Variants in KIF20B observed in about 807,000 individuals in gnomAD.
The protein encoded by KIF20B is kinesin family member 20B, also known as kinesin-like protein KIF20B.
Under a neutral mutation model 232.5 loss-of-function variants are expected in KIF20B, and 188 were observed. That is an observed-to-expected ratio of 0.81 (90% confidence interval 0.72 to 0.91). KIF20B has a LOEUF of 0.91. Ranked by LOEUF, KIF20B falls within the 40% of genes least tolerant of loss-of-function variation. The probability of loss-of-function intolerance (pLI) is 0.00; values close to 1 mark genes in which losing one functional copy is unlikely to be tolerated. For synonymous variants in KIF20B, 712 were observed against 683.0 expected, an observed-to-expected ratio of 1.04 and a Z score of -0.66; for missense variants, 2,154 against 2,055.9, an observed-to-expected ratio of 1.05 and a Z score of -0.92.
intron 11 of KIF20B, among the ~76,000 whole-genome samples, chr10:89,718,425 C>T (rs1054986131): frequency 2.0e-5 from 3 of 152,062 alleles, no homozygotes; most frequent in Admixed American, 1.3e-4. Context: ...GCGAGAGGAT[C>T]GCTTGAGCCT....
rs752673249 is a variant in KIF20B, at chr10:89,768,752, A to G, written c.5106A>G (p.Pro1702=). The G allele has an allele frequency of 1.3e-6, 2 of 1,588,890 alleles. No individual in the cohort carries two copies. The highest frequency in any genetic ancestry group is 1.9e-5 in the Admixed American group (1 of 52,566). ...TTGTTTATTAGGTTGCCATACGTCC[A>G]TCATCTAAGAAAACATATTCTTTAC... ...VKKEQKVAIR[P]SSKKTYSLRS... Residue 1702 remains proline, a synonymous_variant, in exon 31 of 33, where the codon CCA becomes CCG. Transcript: ENST00000371728.
In KIF20B at chr10:89,729,161, T is replaced by C. The variant is rs759291526; in HGVS notation, c.2305T>C (p.Leu769=). 6.9e-6 allele frequency: 10 copies of C among 1,452,044 alleles called. No individual in the cohort carries two copies. The highest frequency in any genetic ancestry group is 9.2e-6 in the Non-Finnish European group (10 of 1,082,190). The allele number at this position is 1,452,044 out of a possible 1,614,324, so 89.9% of individuals were successfully genotyped here. The part of the protein sequence containing the change: ...IITQNQRIKE[L]INIIDQKEDT... ...TACACAGAATCAAAGAATTAAAGAA[T>C]TGATAAATATAATTGATCAAAAAGA... The change falls in exon 18 of 33, where the codon TTG becomes CTG. Residue 769 remains leucine (L), a synonymous_variant. Transcript: ENST00000371728.
intron 23 of KIF20B, among the ~76,000 whole-genome samples, chr10:89,747,629 C>T (rs987874385): frequency 3.3e-5 from 5 of 151,614 alleles, no homozygotes; most frequent in Admixed American, 6.6e-5. Context: ...AGTAAACTAT[C>T]GCAAGAACAA....
At chr10:89,703,807 C>T (rs920922386) in intron 1 of KIF20B, among the ~76,000 whole-genome samples, 1 of 149,028 alleles carries the variant, frequency 6.7e-6, no homozygotes, top group African/African-American at 2.5e-5. Flanking sequence ...GGCTGGAGCG[C>T]AGTGGCGCAG....
chr10:89,741,414 G>A (rs1444547945), intron 21 of KIF20B, among the ~76,000 whole-genome samples: 1 of 152,186 alleles, frequency 6.6e-6, no homozygotes, highest in Non-Finnish European at 1.5e-5. Context: ...AGGTGGTTGA[G>A]GCTCCCTCCT....
intron 29 of KIF20B, among the ~76,000 whole-genome samples, chr10:89,764,274 A>C (rs934621591): frequency 6.6e-6 from 1 of 151,780 alleles, no homozygotes; most frequent in African/African-American, 2.4e-5. Flanking sequence ...TATGTGCCAC[A>C]TTTTCTTAAT....
intron 19 of KIF20B, 158 bp downstream of exon 19, chr10:89,733,214 A>C: frequency 1.5e-6 from 1 of 665,660 alleles, no homozygotes. Flanking sequence ...TACATTTTCT[A>C]GGGATGGGCA....
At chr10:89,734,661 C>A (rs1466461246) in intron 19 of KIF20B, among the ~76,000 whole-genome samples, 1 of 152,132 alleles carries the variant, frequency 6.6e-6, no homozygotes, top group Admixed American at 6.6e-5. Flanking sequence ...AAAGTGCTGC[C>A]TTCTTCATCG....
At chr10:89,768,174 G>T (rs535825239) in intron 29 of KIF20B, 116 bp from the exon 30 acceptor site, 3 of 675,698 alleles carry the variant, frequency 4.4e-6, no homozygotes, top group African/African-American at 3.8e-5. Flanking sequence ...AATTGCCCTC[G>T]GTTAAGAGTC....
At chr10:89,705,874 A>T (rs1319190148) in intron 2 of KIF20B, among the ~76,000 whole-genome samples, 2 of 152,064 alleles carry the variant, frequency 1.3e-5, no homozygotes, top group African/African-American at 4.8e-5. Context: ...TTCCCTTTTT[A>T]TTGCTAAATA....
intron 21 of KIF20B, among the ~76,000 whole-genome samples, chr10:89,740,291 T>C (rs1190721539): frequency 6.6e-6 from 1 of 151,674 alleles, no homozygotes; most frequent in Admixed American, 6.6e-5. Flanking sequence ...AAAAAAAATT[T>C]ACTGGTTTAT....
Position 89,714,037 on chromosome 10 carries a change from T to A in KIF20B, c.676-10T>A. 2 of 1,313,066 alleles carry A rather than the reference T, an allele frequency of 1.5e-6. No individual in the cohort carries two copies. Among genetic ancestry groups the A allele is most frequent in the Non-Finnish European group, 2.1e-6 (2 of 966,060 alleles). The allele number at this position is 1,313,066 out of a possible 1,614,324, so 81.3% of individuals were successfully genotyped here. A position where few individuals can be genotyped will look rare whatever the true frequency, so the allele number is the denominator to read the frequency against. On this transcript the variant is annotated splice_polypyrimidine_tract_variant and intron_variant, in intron 6 of 32. Transcript: ENST00000371728. ...GTTTTTTTAATTTTTTAAAACAATC[T>A]TTTTTTTAGGTTACTGTGCATAATG...
Position 89,753,998 on chromosome 10 carries a change from T to C in KIF20B, c.4348-520T>C, listed in dbSNP as rs192836132. ...TTTTTTATATATATTATTAAATGCC[T>C]CTGAACCCAAAGAATCTGTGGTACC... On this transcript the variant is annotated intron_variant, in intron 25 of 32. Transcript: ENST00000371728. Among the ~76,000 whole-genome samples, 453 of 152,076 alleles carry C rather than the reference T, an allele frequency of 3.0e-3. 1 individual carries two copies. Among genetic ancestry groups the C allele is most frequent in the African/African-American group, 0.01 (423 of 41,436 alleles).
chr10:89,737,217 CAT>C (rs1159361298), intron 19 of KIF20B, among the ~76,000 whole-genome samples, 168 bp from the exon 20 acceptor site: 4 of 151,722 alleles, frequency 2.6e-5, no homozygotes, highest in East Asian at 1.9e-4. Flanking sequence ...GCTCATACCA[CAT>C]GTTTTAAAAC....
rs1403329599 is a variant in KIF20B, at chr10:89,733,050, A to G, written c.2539A>G (p.Lys847Glu). The change falls in exon 19 of 33, where the codon AAG becomes GAG. Residue 847 changes from lysine to glutamate, a missense_variant. By Grantham distance (56) the Lys-to-Glu change is moderately conservative. Transcript: ENST00000371728. ...NELQQDEPPA[K>E]KGSIHVSSAI... ...ACTTCAGCAAGATGAACCACCAGCAAAGAAAGGTACTACTTCAGCTGCCAG... is the reference window on the plus strand; with the variant it reads ...ACTTCAGCAAGATGAACCACCAGCAGAGAAAGGTACTACTTCAGCTGCCAG... 1.2e-6 allele frequency: 2 copies of G among 1,613,458 alleles called. No homozygotes were observed. Among genetic ancestry groups the G allele is most frequent in the African/African-American group, 1.3e-5 (1 of 74,910 alleles).
intron 24 of KIF20B, among the ~76,000 whole-genome samples, chr10:89,751,846 T>C (rs901657532): frequency 3.3e-5 from 5 of 152,052 alleles, no homozygotes; most frequent in African/African-American, 1.2e-4. Context: ...GCTTTCAGAA[T>C]ACCATCAGAG....
intron 19 of KIF20B, among the ~76,000 whole-genome samples, chr10:89,734,437 T>C (rs1171609281): frequency 6.6e-6 from 1 of 151,648 alleles, no homozygotes; most frequent in Non-Finnish European, 1.5e-5. Context: ...TGGTGGGGGG[T>C]CATAGTATTA....
intron 1 of KIF20B, among the ~76,000 whole-genome samples, chr10:89,702,603 G>A (rs1474716165): frequency 1.3e-5 from 2 of 152,162 alleles, no homozygotes; most frequent in African/African-American, 4.8e-5. Context: ...TTCAGCAACA[G>A]ATTCTGCTAT....
chr10:89,744,637 A>C (rs1438142065), intron 22 of KIF20B, among the ~76,000 whole-genome samples: 1 of 152,212 alleles, frequency 6.6e-6, no homozygotes, highest in African/African-American at 2.4e-5. Flanking sequence ...TGATATTTAA[A>C]AGGCAAAATC....
Sources: allele counts gnomAD v4.1 joint callset (sites outside exome capture counted in the v4.1 genomes callset), GRCh38; gene constraint gnomAD v4.1.1; transcripts MANE v1.5; gene names NCBI Gene and HGNC (gene_info 2026-07-23, HGNC 2026-07-21).